The following ANK2 variants were observed in gnomAD, a reference collection of about 807,000 sequenced individuals.
The protein encoded by ANK2 is ankyrin-2.
In ANK2, 83 loss-of-function variants were observed where a neutral mutation model predicts 360.5. The observed-to-expected ratio is 0.23, with a 90% CI of 0.19 to 0.28. The LOEUF is 0.28. ANK2 is among the 10% of genes least tolerant of loss of function. The pLI, the probability that ANK2 is intolerant of heterozygous loss-of-function variation, is 1.00. For synonymous variants in ANK2, 1,740 were observed against 1,759.5 expected (o/e 0.99, Z 0.28); for missense variants, 4,201 against 4,795.7 (o/e 0.88, Z 3.66).
At chr4:113,144,998 T>C (rs2096776475) in intron 1 of ANK2, among the ~76,000 whole-genome samples, 1 of 151,992 alleles carries the variant, frequency 6.6e-6, no homozygotes, top group Non-Finnish European at 1.5e-5. Flanking sequence ...AAACCTGTAA[T>C]ATGATTTCAA....
intron 1 of ANK2, among the ~76,000 whole-genome samples, chr4:113,112,724 T>C (rs2094426434): frequency 6.6e-6 from 1 of 152,168 alleles, no homozygotes; most frequent in South Asian, 2.1e-4. Flanking sequence ...TTCAGAAGTG[T>C]TATGAGCTTG....
chr4:112,809,289 C>T, the ANK2 span, among the ~76,000 whole-genome samples: 7 of 149,812 alleles, frequency 4.7e-5, no homozygotes, highest in African/African-American at 1.5e-4. Flanking sequence ...GGGCCGGGCG[C>T]GGTGGCTCAC....
At chr4:113,027,418 C>T (rs2059512621) in intron 2 of ANK2, among the ~76,000 whole-genome samples, 1 of 152,104 alleles carries the variant, frequency 6.6e-6, no homozygotes, top group Non-Finnish European at 1.5e-5. Flanking sequence ...TGGGGTCAGT[C>T]TGAGCCAAGA....
chr4:112,839,814 T>C (rs747179718), intron 1 of ANK2, among the ~76,000 whole-genome samples: 1 of 152,212 alleles, frequency 6.6e-6, no homozygotes, highest in Non-Finnish European at 1.5e-5. Flanking sequence ...GATTTTTTGA[T>C]TGAAGGATGA....
chr4:112,889,206 G>A (rs370666573), intron 1 of ANK2, among the ~76,000 whole-genome samples: 17 of 150,760 alleles, frequency 1.1e-4, no homozygotes, highest in African/African-American at 3.7e-4. Flanking sequence ...AATTTTATGA[G>A]TGCTATAGCT....
At chr4:113,222,118 A>G (rs2099158514) in intron 4 of ANK2, among the ~76,000 whole-genome samples, 1 of 152,364 alleles carries the variant, frequency 6.6e-6, no homozygotes, top group South Asian at 2.1e-4. Context: ...ATTTGTTTCA[A>G]TGGACTGCTG....
At chr4:112,984,434 C>T (rs778104545) in intron 2 of ANK2, among the ~76,000 whole-genome samples, 2 of 152,142 alleles carry the variant, frequency 1.3e-5, no homozygotes, top group Non-Finnish European at 2.9e-5. Context: ...AGGAAAACTT[C>T]CTGTTGTAAT....
intron 4 of ANK2, among the ~76,000 whole-genome samples, chr4:113,227,895 C>T (rs2099244286): frequency 1.3e-5 from 2 of 152,182 alleles, no homozygotes; most frequent in African/African-American, 4.8e-5. Flanking sequence ...CTTCAGGATA[C>T]TATGATAAAC....
chr4:113,363,669 A>C (rs1443109883), intron 40 of ANK2, among the ~76,000 whole-genome samples, 200 bp downstream of exon 40: 1 of 152,166 alleles, frequency 6.6e-6, no homozygotes, highest in Admixed American at 6.6e-5. Flanking sequence ...CAGCAAGGCC[A>C]CTGTCTGTGT....
At chr4:112,783,806 C>A in the ANK2 span, among the ~76,000 whole-genome samples, 1 of 151,896 alleles carries the variant, frequency 6.6e-6, no homozygotes, top group African/African-American at 2.4e-5. Flanking sequence ...CCCGCCACCA[C>A]GTCCAGCTAA....
chr4:112,767,098 C>G, the ANK2 span, among the ~76,000 whole-genome samples: 12 of 152,288 alleles, frequency 7.9e-5, no homozygotes, highest in Non-Finnish European at 1.6e-4. Flanking sequence ...TACCACAAAA[C>G]TAGAAACTAA....
At chr4:112,731,600 C>T in the ANK2 span, among the ~76,000 whole-genome samples, 1 of 151,450 alleles carries the variant, frequency 6.6e-6, no homozygotes, top group Non-Finnish European at 1.5e-5. Context: ...TGTGTGTGCA[C>T]ATGCCTGTAG....
upstream of ANK2, among the ~76,000 whole-genome samples, chr4:112,813,808 T>G (rs2149480242): frequency 6.6e-6 from 1 of 152,306 alleles, no homozygotes; most frequent in South Asian, 2.1e-4. Context: ...AGTGTTAGGA[T>G]TACAGGCATG....
intron 1 of ANK2, among the ~76,000 whole-genome samples, chr4:113,073,807 G>A (rs1375430691): frequency 6.6e-6 from 1 of 152,206 alleles, no homozygotes; most frequent in African/African-American, 2.4e-5. Flanking sequence ...TGCCCAGGCC[G>A]CCTCTACGCA....
At chr4:112,855,415 T>C (rs1202976790) in intron 1 of ANK2, among the ~76,000 whole-genome samples, 1 of 152,244 alleles carries the variant, frequency 6.6e-6, no homozygotes, top group East Asian at 1.9e-4. Context: ...CTATTGATTA[T>C]GGTAGTACAC....
chr4:113,108,002 G>A (rs932171971), intron 1 of ANK2, among the ~76,000 whole-genome samples: 4 of 152,270 alleles, frequency 2.6e-5, no homozygotes, highest in East Asian at 1.9e-4. Context: ...TGATATATGC[G>A]TAGTTTAAAC....
intron 2 of ANK2, among the ~76,000 whole-genome samples, chr4:113,008,747 A>C (rs2053748709): frequency 6.6e-6 from 1 of 152,054 alleles, no homozygotes; most frequent in African/African-American, 2.4e-5. Flanking sequence ...TAGCCCAGAC[A>C]CTCCATTACT....
intron 1 of ANK2, among the ~76,000 whole-genome samples, chr4:112,871,387 T>C (rs2072978761): frequency 6.6e-6 from 1 of 152,172 alleles, no homozygotes; most frequent in African/African-American, 2.4e-5. Flanking sequence ...GGTTTCACCA[T>C]GTTGCCCAGG....
At chr4:112,971,319 C>A (rs1464027371) in intron 2 of ANK2, among the ~76,000 whole-genome samples, 4 of 152,166 alleles carry the variant, frequency 2.6e-5, no homozygotes, top group Non-Finnish European at 5.9e-5. Context: ...TGCAAAAAAT[C>A]TACAAGGTAA....
Sources: gnomAD v4.1 joint callset for allele counts (sites outside exome capture counted in the v4.1 genomes callset) on GRCh38, gnomAD v4.1.1 for gene constraint, MANE v1.5 for transcripts, NCBI Gene and HGNC (gene_info 2026-07-23, HGNC 2026-07-21) for gene names.